Variants in POLA1 observed in about 807,000 individuals in gnomAD.
The protein encoded by POLA1 is DNA polymerase alpha 1, catalytic subunit.
POLA1 carries 15 observed loss-of-function variants against 124.0 expected under a neutral mutation model. The observed-to-expected ratio is 0.12, with a 90% CI of 0.08 to 0.19. The LOEUF (loss-of-function observed/expected upper bound fraction) is 0.19, where lower values mean the gene tolerates loss of function less well. Ranked by LOEUF, POLA1 falls within the 10% of genes least tolerant of loss-of-function variation. POLA1 has a pLI of 1.00. For synonymous variants in POLA1, 408 were observed against 389.4 expected, an observed-to-expected ratio of 1.05 and a Z score of -0.56; for missense variants, 886 against 1,103.4, an observed-to-expected ratio of 0.80 and a Z score of 2.79.
intron 26 of POLA1, among the ~76,000 whole-genome samples, chrX:24,774,619 A>G (rs11573388): frequency 0.037 from 4,095 of 111,376 alleles, 211 homozygotes; most frequent in African/African-American, 0.13. Context: ...ACTGTTGTAT[A>G]TACTATGTGG....
chrX:24,936,672 C>T (rs1206669297), intron 36 of POLA1, among the ~76,000 whole-genome samples: 1 of 111,521 alleles, frequency 9.0e-6, no homozygotes, highest in African/African-American at 3.3e-5. Flanking sequence ...GCTGGGACTA[C>T]AGGCATCTGC....
intron 36 of POLA1, among the ~76,000 whole-genome samples, chrX:24,941,854 G>C (rs2047911549): frequency 8.9e-6 from 1 of 112,038 alleles, no homozygotes; most frequent in South Asian, 3.8e-4. Flanking sequence ...ATCCCCTAGA[G>C]CTTAAGGCTT....
intron 26 of POLA1, among the ~76,000 whole-genome samples, chrX:24,772,951 T>C (rs952878498): frequency 6.3e-5 from 7 of 111,774 alleles, no homozygotes; most frequent in Non-Finnish European, 1.1e-4. Flanking sequence ...AGTGGTAGAC[T>C]GGATAAAGAA....
chrX:24,723,574 C>T (rs1247363518), intron 11 of POLA1, among the ~76,000 whole-genome samples: 1 of 112,821 alleles, frequency 8.9e-6, no homozygotes, highest in African/African-American at 3.2e-5. Context: ...AACTATAAGT[C>T]TCTAAAATGT....
chrX:24,954,001 G>T (rs2048076497), intron 36 of POLA1, among the ~76,000 whole-genome samples: 1 of 111,469 alleles, frequency 9.0e-6, no homozygotes, highest in African/African-American at 3.3e-5. Context: ...GAGTTGTGTT[G>T]CCCCAAATTA....
At chrX:24,935,954 G>T (rs769575794) in intron 36 of POLA1, among the ~76,000 whole-genome samples, 2 of 112,759 alleles carry the variant, frequency 1.8e-5, no homozygotes, top group African/African-American at 3.2e-5. Context: ...CTGAAGGTAG[G>T]TAACATGTTA....
At chrX:24,890,997 A>G (rs1601841389) in intron 35 of POLA1, among the ~76,000 whole-genome samples, 1 of 112,266 alleles carries the variant, frequency 8.9e-6, no homozygotes, top group South Asian at 3.7e-4. Context: ...ATGAAAATCA[A>G]ATTACTTCTT....
intron 15 of POLA1, among the ~76,000 whole-genome samples, chrX:24,728,800 A>G (rs1306463846): frequency 8.9e-6 from 1 of 111,987 alleles, no homozygotes; most frequent in African/African-American, 3.2e-5. Context: ...CTTTTGCACT[A>G]TGACAGCAGA....
intron 26 of POLA1, among the ~76,000 whole-genome samples, chrX:24,771,823 G>T (rs1290200575): frequency 9.0e-6 from 1 of 111,652 alleles, no homozygotes; most frequent in East Asian, 2.8e-4. Context: ...ACAGTTTCAT[G>T]TGATTCATCC....
intron 36 of POLA1, among the ~76,000 whole-genome samples, chrX:24,977,489 A>C (rs770470739): frequency 1.8e-5 from 2 of 109,966 alleles, no homozygotes; most frequent in South Asian, 7.9e-4. Flanking sequence ...TTTCCTTTGC[A>C]CCCAGTGCAT....
chrX:24,847,004 A>G (rs2046485833), intron 34 of POLA1, among the ~76,000 whole-genome samples: 2 of 112,147 alleles, frequency 1.8e-5, no homozygotes, highest in South Asian at 3.8e-4. Flanking sequence ...TATACTTACA[A>G]TAGATCCATA....
intron 26 of POLA1, among the ~76,000 whole-genome samples, chrX:24,772,701 G>A (rs1324542215): frequency 9.0e-6 from 1 of 111,657 alleles, no homozygotes; most frequent in Non-Finnish European, 1.9e-5. Flanking sequence ...CTCCATCCAT[G>A]TTCCTGCAAT....
intron 26 of POLA1, among the ~76,000 whole-genome samples, chrX:24,798,859 ACGTTT>A (rs2045658390): frequency 9.0e-6 from 1 of 111,438 alleles, no homozygotes. Flanking sequence ...ACAGTTGAAC[ACGTTT>A]ACATTTCCCT....
At chrX:24,840,007 A>G (rs1006726349) in intron 32 of POLA1, among the ~76,000 whole-genome samples, 5 of 111,895 alleles carry the variant, frequency 4.5e-5, no homozygotes, top group Admixed American at 1.9e-4. Flanking sequence ...CTAATTTACT[A>G]TTTCTCTTAG....
At chrX:24,950,245 G>A (rs1315177595) in intron 36 of POLA1, among the ~76,000 whole-genome samples, 1 of 112,023 alleles carries the variant, frequency 8.9e-6, no homozygotes, top group Non-Finnish European at 1.9e-5. Flanking sequence ...ACTGTCCACC[G>A]GAACTCTTTG....
chrX:24,870,803 T>C (rs1314078818), intron 34 of POLA1, among the ~76,000 whole-genome samples: 1 of 111,751 alleles, frequency 8.9e-6, no homozygotes, highest in East Asian at 2.8e-4. Flanking sequence ...GAGTGAGACA[T>C]GAAAGTAGAT....
In POLA1 at chrX:24,843,586, T is replaced by C. The variant is rs764407457; in HGVS notation, c.3956T>C (p.Ile1319Thr). The change falls in exon 34 of 37, where the codon ATC becomes ACC. Residue 1319 changes from isoleucine (I) to threonine (T), a missense_variant. Physicochemically the swap from Ile to Thr is moderately conservative, Grantham distance 89. This residue lies in a region of POLA1 where 313 missense variants were observed against 359.7 expected (regional missense o/e 0.87). Coordinates refer to ENST00000379068, the MANE Select transcript of POLA1 (RefSeq NM_001330360.2). ...MEPSLYRCSNIDCKASPLTFT... is the reference protein window; with the variant it reads ...MEPSLYRCSNTDCKASPLTFT... ...CCCAGCTTGTATCGTTGCAGTAACA[T>C]CGATTGTAAGGCTTCACCTCTGACC... 1.7e-6 allele frequency: 2 copies of C among 1,188,776 alleles called. No homozygotes were observed. Among genetic ancestry groups the C allele is most frequent in the Non-Finnish European group, 2.3e-6 (2 of 878,060 alleles).
At chrX:24,910,368 G>A (rs2047431221) in intron 35 of POLA1, among the ~76,000 whole-genome samples, 1 of 109,818 alleles carries the variant, frequency 9.1e-6, no homozygotes, top group East Asian at 2.8e-4. Context: ...TATGATATTG[G>A]CTGTGGGTTT....
At chrX:24,905,990 T>G (rs1256076563) in intron 35 of POLA1, among the ~76,000 whole-genome samples, 1 of 112,255 alleles carries the variant, frequency 8.9e-6, no homozygotes, top group African/African-American at 3.2e-5. Flanking sequence ...GGCCATAATT[T>G]AAAAGTCAGA....
Sources: allele counts gnomAD v4.1 joint callset (sites outside exome capture counted in the v4.1 genomes callset), GRCh38; gene constraint gnomAD v4.1.1; regional missense constraint gnomAD v4.1.1; transcripts MANE v1.5; gene names NCBI Gene and HGNC (gene_info 2026-07-23, HGNC 2026-07-21).